PTPRD: variants seen among roughly 807,000 people sequenced by gnomAD.
The protein encoded by PTPRD is protein tyrosine phosphatase receptor type D.
Under a neutral mutation model 214.5 loss-of-function variants are expected in PTPRD, and 34 were observed. That is an observed-to-expected ratio of 0.16 (90% CI 0.12 to 0.21). PTPRD has a LOEUF of 0.21. Among genes scored for constraint, PTPRD ranks in the 10% least tolerant of loss-of-function variants. The pLI is 1.00. For synonymous variants in PTPRD, 1,128 were observed against 845.7 expected, an observed-to-expected ratio of 1.33 and a Z score of -5.79; for missense variants, 2,545 against 2,398.7, an observed-to-expected ratio of 1.06 and a Z score of -1.27.
chr9:9,527,524 C>A lies in PTPRD; in HGVS notation c.-237+47208G>T, dbSNP rs778319405. ...TTTGCTAGATTTTTTAGGGGAAAATCAGGACAAACTTCTTGCATTATTTTC... is the reference window on the plus strand; with the variant it reads ...TTTGCTAGATTTTTTAGGGGAAAATAAGGACAAACTTCTTGCATTATTTTC... On this transcript the variant is annotated intron_variant, in intron 8 of 45. Coordinates refer to ENST00000381196, the MANE Select transcript of PTPRD (RefSeq NM_002839.4). Among the ~76,000 whole-genome samples, 4 of 152,266 alleles carry A rather than the reference C, an allele frequency of 2.6e-5. No homozygotes were observed. In the East Asian group the frequency reaches 7.7e-4, roughly 29 times the overall value.
chr9:8,803,218 T>C (rs1362558123), intron 11 of PTPRD, among the ~76,000 whole-genome samples: 3 of 152,160 alleles, frequency 2.0e-5, no homozygotes, highest in Non-Finnish European at 4.4e-5. Flanking sequence ...AGTACACACA[T>C]CTGAAAGTGT....
chr9:10,225,583 G>C (rs1193646271), intron 3 of PTPRD, among the ~76,000 whole-genome samples: 2 of 151,992 alleles, frequency 1.3e-5, no homozygotes, highest in African/African-American at 4.8e-5. Flanking sequence ...TGTGCTGCCT[G>C]CTTATTTGGT....
intron 3 of PTPRD, among the ~76,000 whole-genome samples, chr9:10,104,357 G>A (rs1178379428): frequency 6.6e-6 from 1 of 151,604 alleles, no homozygotes; most frequent in South Asian, 2.1e-4. Flanking sequence ...ATTAAAAAAA[G>A]AATTTAATGG....
Position 9,463,967 on chromosome 9 carries a change from C to T in PTPRD, c.-236-66485G>A, listed in dbSNP as rs145370267. Among the ~76,000 whole-genome samples, 19 of 152,284 alleles carry T rather than the reference C, an allele frequency of 1.2e-4. No individual in the cohort carries two copies. In the East Asian group the frequency reaches 3.7e-3, roughly 29 times the overall value. On this transcript the variant is annotated intron_variant, in intron 8 of 45. Coordinates refer to ENST00000381196, the MANE Select transcript of PTPRD (RefSeq NM_002839.4). The stretch of plus-strand genomic sequence containing the variant: ...CCCTCACTCATCATGACTGCATAAC[C>T]AGCTACCTGCTTCTTGTTAACTAAC...
At chr9:10,234,371 T>A (rs1182198794) in intron 3 of PTPRD, among the ~76,000 whole-genome samples, 2 of 151,864 alleles carry the variant, frequency 1.3e-5, no homozygotes, top group Admixed American at 1.3e-4. Context: ...TTACTGGCCC[T>A]AAAACACCCA....
chr9:9,211,590 G>C (rs369743259), intron 9 of PTPRD, among the ~76,000 whole-genome samples: 1 of 148,186 alleles, frequency 6.7e-6, no homozygotes, highest in Non-Finnish European at 1.5e-5. Flanking sequence ...ATGATATTAA[G>C]AAGTTAAATT....
chr9:9,780,747 C>A (rs1398401612), intron 5 of PTPRD, among the ~76,000 whole-genome samples: 2 of 152,094 alleles, frequency 1.3e-5, no homozygotes, highest in Non-Finnish European at 2.9e-5. Context: ...TTTAGAGCAG[C>A]CTTATTCATA....
Position 10,259,033 on chromosome 9 carries a change from T to C in PTPRD, c.-545+81930A>G, listed in dbSNP as rs576813363. Reference sequence around the variant, plus strand: ...TGTTTTGTTTTGTTTTTTGTTTTTTTTGTTTTTGAGACGGAGTCTCACTCT... The same window carrying C: ...TGTTTTGTTTTGTTTTTTGTTTTTTCTGTTTTTGAGACGGAGTCTCACTCT... On this transcript the variant is annotated intron_variant, in intron 3 of 45. Transcript: ENST00000381196. Among the ~76,000 whole-genome samples the C allele has an allele frequency of 1.1e-4, 17 of 152,292 alleles. No homozygotes were observed. The South Asian group carries it at 3.5e-3, about 32-fold the overall frequency.
chr9:8,820,911 TTAA>T (rs1432819013), intron 11 of PTPRD, among the ~76,000 whole-genome samples: 4 of 152,316 alleles, frequency 2.6e-5, no homozygotes, highest in African/African-American at 9.6e-5. Flanking sequence ...TTTCTAACTC[TTAA>T]TAATATGATG....
chr9:9,021,560 T>G (rs2099569678), intron 10 of PTPRD, among the ~76,000 whole-genome samples: 1 of 152,126 alleles, frequency 6.6e-6, no homozygotes, highest in Non-Finnish European at 1.5e-5. Context: ...AAAAAAAATG[T>G]TAACTACAGA....
chr9:8,918,616 A>G (rs529054738), intron 11 of PTPRD, among the ~76,000 whole-genome samples: 2 of 152,310 alleles, frequency 1.3e-5, no homozygotes, highest in South Asian at 4.1e-4. Flanking sequence ...GATTACTTGT[A>G]GCCTATGTTA....
intron 10 of PTPRD, among the ~76,000 whole-genome samples, chr9:9,173,874 T>C (rs1253066890): frequency 1.3e-5 from 2 of 152,150 alleles, no homozygotes; most frequent in South Asian, 2.1e-4. Flanking sequence ...TGTTCAACAC[T>C]GTATCCCAAT....
At chr9:8,541,896 A>G (rs1185827744) in intron 14 of PTPRD, among the ~76,000 whole-genome samples, 1 of 152,192 alleles carries the variant, frequency 6.6e-6, no homozygotes, top group African/African-American at 2.4e-5. Context: ...AAATATTAAG[A>G]AGCTATTCAA....
At chr9:9,991,263 T>G (rs1007630195) in intron 4 of PTPRD, among the ~76,000 whole-genome samples, 6 of 151,762 alleles carry the variant, frequency 4.0e-5, no homozygotes, top group African/African-American at 1.5e-4. Context: ...ACTTGGGGAT[T>G]GGAAAAATTT....
At chr9:9,537,679 C>CT (rs1454834907) in intron 8 of PTPRD, among the ~76,000 whole-genome samples, 8 of 151,872 alleles carry the variant, frequency 5.3e-5, no homozygotes, top group African/African-American at 1.9e-4. Context: ...TAGATATCAC[C>CT]TAATAGCTTT....
chr9:10,403,684 A>G (rs2098313339), intron 2 of PTPRD, among the ~76,000 whole-genome samples: 1 of 151,780 alleles, frequency 6.6e-6, no homozygotes, highest in East Asian at 1.9e-4. Context: ...GAAATAAGAT[A>G]TCAAGCCATG....
At chr9:8,436,831 A>C in intron 34 of PTPRD, 142 bp from the exon 35 acceptor site, 1 of 671,138 alleles carries the variant, frequency 1.5e-6, no homozygotes, top group South Asian at 2.0e-5. Context: ...GAAGCAGGCA[A>C]ATAGTTTGGT....
intron 9 of PTPRD, among the ~76,000 whole-genome samples, chr9:9,363,628 C>G (rs2056961790): frequency 6.6e-6 from 1 of 151,200 alleles, no homozygotes; most frequent in Non-Finnish European, 1.5e-5. Context: ...CAGGGTTTTT[C>G]TAGCTAAGTG....
chr9:9,158,621 T>C (rs991543797), intron 10 of PTPRD, among the ~76,000 whole-genome samples: 1 of 151,560 alleles, frequency 6.6e-6, no homozygotes, highest in African/African-American at 2.4e-5. Flanking sequence ...AATAAATAAA[T>C]AAAAATAATA....
Sources: allele counts gnomAD v4.1 joint callset (sites outside exome capture counted in the v4.1 genomes callset), GRCh38; gene constraint gnomAD v4.1.1; transcripts MANE v1.5; gene names NCBI Gene and HGNC (gene_info 2026-07-23, HGNC 2026-07-21).